Variants in ANKFY1 observed in about 807,000 individuals in gnomAD.
ANKFY1 encodes the protein ankyrin repeat and FYVE domain-containing protein 1.
A neutral mutation model predicts 128.3 loss-of-function variants in ANKFY1; 47 were observed. The ratio of observed to expected loss-of-function variants is 0.37; its 90% CI spans 0.29 to 0.47. The LOEUF (loss-of-function observed/expected upper bound fraction) is 0.47, where lower values mean the gene tolerates loss of function less well. Ranked by LOEUF, ANKFY1 falls within the 20% of genes least tolerant of loss-of-function variation. The pLI is 1.00. For synonymous variants in ANKFY1, 553 were observed against 601.6 expected, an observed-to-expected ratio of 0.92 and a Z score of 1.18; for missense variants, 1,222 against 1,510.6, an observed-to-expected ratio of 0.81 and a Z score of 3.17.
At chr17:4,177,039 G>A (rs2059422263) in intron 19 of ANKFY1, 87 bp downstream of exon 19, 2 of 1,333,496 alleles carry the variant, frequency 1.5e-6, no homozygotes, top group East Asian at 2.7e-5. Flanking sequence ...ACAACACCGG[G>A]CAAAGCACCT....
At chr17:4,258,333 T>G (rs1052770513) in intron 1 of ANKFY1, among the ~76,000 whole-genome samples, 52 of 152,098 alleles carry the variant, frequency 3.4e-4, no homozygotes, top group African/African-American at 1.1e-3. Context: ...AGACCATCCT[T>G]GCTAACACGG....
intron 1 of ANKFY1, among the ~76,000 whole-genome samples, chr17:4,243,912 G>A (rs1967389397): frequency 6.6e-6 from 1 of 151,230 alleles, no homozygotes; most frequent in Non-Finnish European, 1.5e-5. Flanking sequence ...CTGAGTTACT[G>A]AGAAAAACAA....
At chr17:4,223,205 C>A (rs1335948596) in intron 3 of ANKFY1, 4 of 788,454 alleles carry the variant, frequency 5.1e-6, no homozygotes. Context: ...TCACAGAAAT[C>A]TTCTTCCTAT....
intron 11 of ANKFY1, chr17:4,188,869 G>GAA (rs10708951): frequency 0.068 from 8,559 of 126,734 alleles, 348 homozygotes; most frequent in South Asian, 0.15. Context: ...TGTGTCTCAA[G>GAA]AAAAAAAAAA....
rs370476772 is a variant in ANKFY1 at position 4,179,031 on chromosome 17, G to A, written c.2424C>T (p.His808=). The change falls in exon 18 of 25, where the codon CAC becomes CAT. Residue 808 remains histidine (H), a synonymous_variant. Coordinates refer to ENST00000341657, the MANE Select transcript of ANKFY1 (RefSeq NM_001330063.2). ...AQDAEGRTPI[H]VAISSQHGVI... Reference sequence around the variant, plus strand: ...CACCGTGTTGGCTGCTGATGGCCACGTGGATGGGGGTTCTTCCTTCTGCAT... The same window carrying A: ...CACCGTGTTGGCTGCTGATGGCCACATGGATGGGGGTTCTTCCTTCTGCAT... 17 of 1,614,076 alleles carry A rather than the reference G, an allele frequency of 1.1e-5. No individual in the cohort carries two copies. Among genetic ancestry groups the A allele is most frequent in the African/African-American group, 8.0e-5 (6 of 74,934 alleles).
intron 1 of ANKFY1, among the ~76,000 whole-genome samples, chr17:4,247,833 C>A (rs1227794283): frequency 6.6e-6 from 1 of 152,168 alleles, no homozygotes; most frequent in Admixed American, 6.5e-5. Flanking sequence ...ATTCTCTTCA[C>A]CTGCAAGGAT....
intron 1 of ANKFY1, among the ~76,000 whole-genome samples, chr17:4,253,390 T>C (rs1032747834): frequency 1.6e-4 from 24 of 152,322 alleles, no homozygotes; most frequent in South Asian, 1.2e-3. Context: ...TATATGACTG[T>C]ATATATTTGT....
chr17:4,182,039 A>C (rs2059525270), intron 15 of ANKFY1, 142 bp downstream of exon 15: 1 of 880,612 alleles, frequency 1.1e-6, no homozygotes, highest in Non-Finnish European at 1.6e-6. Flanking sequence ...AAGTTTCTTT[A>C]ACATGCTTTC....
intron 1 of ANKFY1, among the ~76,000 whole-genome samples, chr17:4,250,443 CTT>C (rs1967766184): frequency 6.6e-6 from 1 of 152,126 alleles, no homozygotes; most frequent in African/African-American, 2.4e-5. Context: ...TAGAGATAAA[CTT>C]AACAAAATGT....
chr17:4,186,316 T>G (rs2059611092), intron 11 of ANKFY1: 1 of 152,790 alleles, frequency 6.5e-6, no homozygotes, highest in Non-Finnish European at 1.5e-5. Flanking sequence ...CAAGGCTTCT[T>G]GTAAAAATCA....
chr17:4,173,647 C>A (rs1015116163), intron 20 of ANKFY1, among the ~76,000 whole-genome samples: 1 of 152,234 alleles, frequency 6.6e-6, no homozygotes, highest in Non-Finnish European at 1.5e-5. Context: ...GCTGTGCCTT[C>A]TGCTTCAGCA....
At chr17:4,204,019 A>G (rs2059981006) in intron 7 of ANKFY1, among the ~76,000 whole-genome samples, 1 of 152,032 alleles carries the variant, frequency 6.6e-6, no homozygotes, top group Non-Finnish European at 1.5e-5. Flanking sequence ...CCCCCAAGAC[A>G]CTGCCTGCCT....
intron 1 of ANKFY1, among the ~76,000 whole-genome samples, chr17:4,259,412 G>C (rs1968289560): frequency 6.6e-6 from 1 of 152,184 alleles, no homozygotes; most frequent in African/African-American, 2.4e-5. Flanking sequence ...CTCCTGAGCA[G>C]CTGGGATTAC....
intron 1 of ANKFY1, chr17:4,248,947 T>C: frequency 6.1e-6 from 1 of 165,014 alleles, no homozygotes; most frequent in Non-Finnish European, 1.3e-5. Flanking sequence ...ATGATCAGAC[T>C]TTCAATAAGT....
At position 4,223,150 on chromosome 17, in the gene ANKFY1, G is replaced by A. The variant is rs1025692748; in HGVS notation, c.323-6032C>T. ...ACAAAGATCAAGCTTCTGAAATTCA[G>A]GTGACAATGATGCTCACTGAAAGTC... is the stretch of plus-strand genomic sequence containing the variant. On this transcript the variant is annotated intron_variant, in intron 3 of 24. Transcript: ENST00000341657. The A allele has an allele frequency of 2.8e-5, 22 of 785,362 alleles. No homozygotes were observed. In the African/African-American group the frequency reaches 3.6e-4, roughly 13 times the overall value. 48.6% of individuals were successfully genotyped at this position (785,362 alleles called of 1,614,324 possible).
intron 19 of ANKFY1, among the ~76,000 whole-genome samples, chr17:4,176,130 T>C (rs572977377): frequency 6.6e-6 from 1 of 152,316 alleles, no homozygotes; most frequent in East Asian, 1.9e-4. Context: ...TCACACTCAC[T>C]GCCACGGCCT....
At chr17:4,170,886 G>A (rs2059305588) in intron 22 of ANKFY1, 25 bp from the exon 23 acceptor site, 1 of 1,613,844 alleles carries the variant, frequency 6.2e-7, no homozygotes, top group Non-Finnish European at 8.5e-7. Flanking sequence ...CACGCGCAGG[G>A]CTACTTCCCA....
chr17:4,250,336 T>G (rs1244945446), intron 1 of ANKFY1, among the ~76,000 whole-genome samples: 1 of 152,212 alleles, frequency 6.6e-6, no homozygotes, highest in Non-Finnish European at 1.5e-5. Context: ...AATCAAAGTC[T>G]TCTTCCTACT....
At chr17:4,237,810 A>T (rs1567968854) in intron 2 of ANKFY1, among the ~76,000 whole-genome samples, 1 of 152,170 alleles carries the variant, frequency 6.6e-6, no homozygotes, top group African/African-American at 2.4e-5. Flanking sequence ...GGACCTAGTA[A>T]TTTTTTTAAA....
Sources: gnomAD v4.1 joint callset for allele counts (sites outside exome capture counted in the v4.1 genomes callset) on GRCh38, gnomAD v4.1.1 for gene constraint, MANE v1.5 for transcripts, NCBI Gene and HGNC (gene_info 2026-07-23, HGNC 2026-07-21) for gene names.